Variants in AHCTF1 observed in about 807,000 individuals in gnomAD.
AHCTF1 encodes the protein AT-hook containing transcription factor 1.
AHCTF1 carries 24 observed loss-of-function variants against 248.4 expected under a neutral mutation model. That is an observed-to-expected ratio of 0.10 (90% CI 0.07 to 0.14). The LOEUF is 0.14. Ranked by LOEUF, AHCTF1 falls within the 10% of genes least tolerant of loss-of-function variation. AHCTF1 has a pLI of 1.00. For missense variants in AHCTF1, 2,206 were observed against 2,636.2 expected, an observed-to-expected ratio of 0.84 and a Z score of 3.57; for synonymous variants, 786 against 929.8, an observed-to-expected ratio of 0.85 and a Z score of 2.81.
intron 1 of AHCTF1, among the ~76,000 whole-genome samples, chr1:246,924,491 T>G (rs1666797977): frequency 6.6e-6 from 1 of 151,932 alleles, no homozygotes; most frequent in African/African-American, 2.4e-5. Context: ...ATATATAAAA[T>G]AAAAATGCAA....
intron 1 of AHCTF1, among the ~76,000 whole-genome samples, chr1:246,930,587 A>T (rs899350229): frequency 1.3e-4 from 17 of 128,732 alleles, no homozygotes; most frequent in South Asian, 2.3e-4. Flanking sequence ...AAAACAGTTT[A>T]AAAAAAAAAA....
At position 246,839,571 on chromosome 1, in the gene AHCTF1, A is replaced by G; in HGVS notation, c.*1235T>C. 1 of 985,858 alleles carries G rather than the reference A, an allele frequency of 1.0e-6. No homozygotes were observed. Among genetic ancestry groups the G allele is most frequent in the Non-Finnish European group, 1.2e-6 (1 of 829,924 alleles). The allele number at this position is 985,858 out of a possible 1,614,324, so 61.1% of individuals were successfully genotyped here. ...CACTCGCACTGCTTTCACACTGTCA[A>G]CACTTTGCGTAGGCATTTTCACCAA... On this transcript the variant is annotated 3_prime_UTR_variant, in exon 36 of 36. Transcript: ENST00000648844.
At chr1:246,926,072 G>C (rs1309089042) in intron 1 of AHCTF1, among the ~76,000 whole-genome samples, 1 of 143,984 alleles carries the variant, frequency 6.9e-6, no homozygotes, top group African/African-American at 2.5e-5. Flanking sequence ...AAAAAGGCCT[G>C]GTACCTCCTC....
chr1:246,897,653 C>T (rs532305750), intron 12 of AHCTF1, among the ~76,000 whole-genome samples: 76 of 152,202 alleles, frequency 5.0e-4, no homozygotes, highest in African/African-American at 1.7e-3. Flanking sequence ...ATGAAGTATA[C>T]GTGTATTTAA....
rs192176344 is a variant in AHCTF1, at chr1:246,843,693, T to C, written c.6525+102A>G. ...ACATTTATTTAAATAATAAACAAAA[T>C]TTAAAATCATTAAAATTTAAATAAA... On this transcript the variant is annotated intron_variant, in intron 34 of 35. Transcript: ENST00000648844. 1.8e-5 allele frequency: 17 copies of C among 965,282 alleles called. No homozygotes were observed. In the African/African-American group the frequency reaches 2.7e-4, roughly 15 times the overall value. 59.8% of individuals were successfully genotyped at this position (965,282 alleles called of 1,614,324 possible).
chr1:246,852,970 T>A, intron 32 of AHCTF1, 121 bp downstream of exon 32: 1 of 688,736 alleles, frequency 1.5e-6, no homozygotes, highest in Non-Finnish European at 2.4e-6. Flanking sequence ...CATATTTTTA[T>A]AAATAAGTTT....
chr1:246,903,519 T>G (rs911098194), intron 7 of AHCTF1, among the ~76,000 whole-genome samples: 14 of 152,196 alleles, frequency 9.2e-5, no homozygotes, highest in African/African-American at 3.4e-4. Flanking sequence ...GAATACAATA[T>G]TAACTTCAAT....
At position 246,861,979 on chromosome 1, in the gene AHCTF1, G is replaced by A. The variant is rs1215251539; in HGVS notation, c.3715C>T (p.His1239Tyr). The change falls in exon 28 of 36, where the codon CAC (histidine) becomes TAC (tyrosine). Residue 1239 changes from histidine (H) to tyrosine (Y), a missense_variant. His to Tyr is a moderately conservative substitution (Grantham distance 83, BLOSUM62 2). Coordinates refer to ENST00000648844, the MANE Select transcript of AHCTF1 (RefSeq NM_001323342.2). ...CTTACCCCAGGAATCCATTTTGGGT[G>A]GACATCTTCTTCCACAAATGAAATT... ...TRISFVEEDVHPKWIPGAADD... is the reference protein window; with the variant it reads ...TRISFVEEDVYPKWIPGAADD... 6.2e-7 allele frequency: 1 copy of A among 1,610,988 alleles called. No individual in the cohort carries two copies. Among genetic ancestry groups the A allele is most frequent in the African/African-American group, 1.3e-5 (1 of 74,784 alleles).
rs1217681020 is a variant in AHCTF1, at chr1:246,916,351, C to T, written c.166G>A (p.Val56Ile). Residue 56 changes from valine to isoleucine, a missense_variant, in exon 3 of 36, where the codon GTA (valine) becomes ATA (isoleucine). Transcript: ENST00000648844. ...ACLACGPQLE[V>I]VNSITGERLS... is the part of the protein sequence containing the mutation. ...CGCTCTCCTGTTATAGAGTTTACTA[C>T]CTCAAGTTGTGGACCACAAGCCAAG... 3.1e-6 allele frequency: 5 copies of T among 1,601,806 alleles called. No homozygotes were observed. Among genetic ancestry groups the T allele is most frequent in the Non-Finnish European group, 3.4e-6 (4 of 1,176,486 alleles).
In AHCTF1 at chr1:246,867,925, C is replaced by G. The variant is rs568591563; in HGVS notation, c.3089-114G>C. The G allele has an allele frequency of 2.3e-5, 8 of 347,854 alleles. No homozygotes were observed. The East Asian group carries it at 3.1e-4, about 14-fold the overall frequency. 21.5% of individuals were successfully genotyped at this position (347,854 alleles called of 1,614,324 possible). ...CCCACACACACACACACACACATTA[C>G]GTGGTAATACTAGCTAAAAATTTTA... On this transcript the variant is annotated intron_variant, in intron 24 of 35. Transcript: ENST00000648844.
chr1:246,905,450 T>C, intron 6 of AHCTF1, 91 bp downstream of exon 6: 4 of 1,015,480 alleles, frequency 3.9e-6, no homozygotes, highest in Non-Finnish European at 6.0e-6. Context: ...TGAGCCGAAA[T>C]CACGCCACTG....
chr1:246,912,298 A>G (rs1230276069), intron 4 of AHCTF1, among the ~76,000 whole-genome samples: 1 of 151,824 alleles, frequency 6.6e-6, no homozygotes, highest in East Asian at 1.9e-4. Flanking sequence ...AATATGGTGA[A>G]ACCCCATCTC....
intron 21 of AHCTF1, 34 bp downstream of exon 21, chr1:246,885,459 A>C (rs371333425): frequency 3.3e-6 from 5 of 1,534,114 alleles, no homozygotes; most frequent in Non-Finnish European, 4.4e-6. Flanking sequence ...AACAGATACG[A>C]TAAAGACTTT....
chr1:246,865,585 T>C (rs1037287198), intron 26 of AHCTF1, among the ~76,000 whole-genome samples: 1 of 152,236 alleles, frequency 6.6e-6, no homozygotes, highest in Non-Finnish European at 1.5e-5. Context: ...TGCTCACTTT[T>C]ATACTGAGCT....
At chr1:246,891,095 C>A in intron 15 of AHCTF1, 35 bp from the exon 16 acceptor site, 1 of 1,371,568 alleles carries the variant, frequency 7.3e-7, no homozygotes, top group Non-Finnish European at 9.8e-7. Context: ...TGTTTACTTA[C>A]AAAAAAATCA....
chr1:246,842,616 A>T, intron 35 of AHCTF1, 78 bp downstream of exon 35: 1 of 1,045,920 alleles, frequency 9.6e-7, no homozygotes, highest in Non-Finnish European at 1.3e-6. Flanking sequence ...AAAATAATAA[A>T]AGGAGGATAG....
chr1:246,862,211 T>C (rs1248759186), intron 27 of AHCTF1, 58 bp from the exon 28 acceptor site: 4 of 1,389,578 alleles, frequency 2.9e-6, no homozygotes, highest in Non-Finnish European at 3.9e-6. Context: ...CCGGGCGCGG[T>C]GGCTCACGCC....
At position 246,843,756 on chromosome 1, in the gene AHCTF1, G is replaced by A. The variant is rs375145421; in HGVS notation, c.6525+39C>T. ...AAACATTTGTAAAAAAAAAAAGTATGTTTTAACAAACATACAAATAAAATC... is the reference window on the plus strand; with the variant it reads ...AAACATTTGTAAAAAAAAAAAGTATATTTTAACAAACATACAAATAAAATC... On this transcript the variant is annotated intron_variant, in intron 34 of 35. Transcript: ENST00000648844. 5.5e-4 allele frequency: 703 copies of A among 1,268,014 alleles called. 2 individuals are homozygous for A. Among genetic ancestry groups the A allele is most frequent in the Non-Finnish European group, 7.0e-4 (682 of 978,628 alleles). The allele number at this position is 1,268,014 out of a possible 1,614,324, so 78.5% of individuals were successfully genotyped here.
rs1197129796 is a variant in AHCTF1, at chr1:246,891,843, A to C, written c.1881T>G (p.Leu627=). 1 of 1,606,700 alleles carries C rather than the reference A, an allele frequency of 6.2e-7. No individual in the cohort carries two copies. Among genetic ancestry groups the C allele is most frequent in the Non-Finnish European group, 8.5e-7 (1 of 1,177,656 alleles). ...TIQSIQQCYL[L]LSNLNIVLSC... The stretch of plus-strand genomic sequence containing the variant: ...TCAAGACTATATTAAGATTGCTAAG[A>C]AGCAAATAGCATTGCTGGATAGACT... The change falls in exon 15 of 36, where the codon CTT becomes CTG. Residue 627 remains leucine (L), a synonymous_variant. Transcript: ENST00000648844.
Sources: allele counts gnomAD v4.1 joint callset (sites outside exome capture counted in the v4.1 genomes callset), GRCh38; gene constraint gnomAD v4.1.1; transcripts MANE v1.5; gene names NCBI Gene and HGNC (gene_info 2026-07-23, HGNC 2026-07-21).